Variants in EDC4 observed in about 807,000 individuals in gnomAD.
The protein encoded by EDC4 is enhancer of mRNA-decapping protein 4.
Under a neutral mutation model 155.8 loss-of-function variants are expected in EDC4, and 64 were observed. The observed-to-expected ratio is 0.41, with a 90% CI of 0.34 to 0.51. The LOEUF (loss-of-function observed/expected upper bound fraction) is 0.51. Among genes scored for constraint, EDC4 ranks in the 20% least tolerant of loss-of-function variants. EDC4 has a pLI of 0.19. For missense variants in EDC4, 1,303 were observed against 1,812.5 expected, an observed-to-expected ratio of 0.72 and a Z score of 5.10; for synonymous variants, 684 against 716.8, an observed-to-expected ratio of 0.95 and a Z score of 0.73.
At position 67,877,006 on chromosome 16, in the gene EDC4, T is replaced by G; in HGVS notation, c.451+34T>G. 1 of 1,610,636 alleles carries G rather than the reference T, an allele frequency of 6.2e-7. No homozygotes were observed. On this transcript the variant is annotated intron_variant, in intron 4 of 28. Coordinates refer to ENST00000358933, the MANE Select transcript of EDC4 (RefSeq NM_014329.5). This position sits in a 1 kb window ranked among gnomAD's most constrained non-coding sequence, Gnocchi z 4.9. ...AGACAGTGAGGAGGAAGGAATGTTC[T>G]GCTGGATGTCCCACAGAGCCAGTTC...
chr16:67,877,798 G>A lies in EDC4; in HGVS notation c.847G>A (p.Val283Ile), dbSNP rs757911873. Reference protein sequence around the residue: ...RSSHSTWPVDVSQIKQGFIVV... With the variant: ...RSSHSTWPVDISQIKQGFIVV... ...CAGCCACAGTACCTGGCCTGTGGAT[G>A]TTAGCCAGATCAAGCAGGGCTTCAT... Residue 283 changes from valine (V) to isoleucine (I), a missense_variant, in exon 7 of 29, where the codon GTT becomes ATT. By Grantham distance (29) the Val-to-Ile change is conservative (BLOSUM62 3). This residue lies in a region of EDC4 where 235 missense variants were observed against 367.7 expected (regional missense o/e 0.64). Transcript: ENST00000358933. The surrounding 1 kb of genome is among the most constrained non-coding windows in gnomAD (Gnocchi z 4.9). The A allele has an allele frequency of 2.4e-5, 39 of 1,614,196 alleles. No individual in the cohort carries two copies. The highest frequency in any genetic ancestry group is 5.0e-5 in the Admixed American group (3 of 60,032).
rs182290690 is a variant in EDC4, at chr16:67,876,633, A to G, written c.351+34A>G. 6.2e-7 allele frequency: 1 copy of G among 1,610,476 alleles called. No individual in the cohort carries two copies. The highest frequency in any genetic ancestry group is 2.2e-5 in the East Asian group (1 of 44,836). The stretch of plus-strand genomic sequence containing the variant: ...TGGGATGCTGTGGCATATATAATGT[A>G]CGGGGGCACACCCAGCCTTTCCAGT... On this transcript the variant is annotated intron_variant, in intron 3 of 28. Transcript: ENST00000358933. This position sits in a 1 kb window ranked among gnomAD's most constrained non-coding sequence, Gnocchi z 5.8.
chr16:67,880,554 C>T lies in EDC4; in HGVS notation c.2098-3C>T, dbSNP rs781388190. The T allele has an allele frequency of 2.5e-6, 4 of 1,612,418 alleles. No individual in the cohort carries two copies. Among genetic ancestry groups the T allele is most frequent in the Non-Finnish European group, 2.5e-6 (3 of 1,178,808 alleles). On this transcript the variant is annotated splice_region_variant and splice_polypyrimidine_tract_variant and intron_variant, in intron 17 of 28. Coordinates refer to ENST00000358933, the MANE Select transcript of EDC4 (RefSeq NM_014329.5). This position sits in a 1 kb window ranked among gnomAD's most constrained non-coding sequence, Gnocchi z 5.2. ...TTAAGCCCCCATCTTTGGCCCACCT[C>T]AGGTGCCTACTGCCACCTCTGCACT...
chr16:67,884,072 C>G lies in EDC4; in HGVS notation c.4130C>G (p.Pro1377Arg). ...CTTTTTCAGTTCCTGCAGGCTGAGC[C>G]ACACAACTCACTTGGCAAAGCAGCT... ...QKLFQFLQAEPHNSLGKAARR... is the reference protein window; with the variant it reads ...QKLFQFLQAERHNSLGKAARR... The change falls in exon 29 of 29, where the codon CCA (proline) becomes CGA (arginine). Residue 1377 changes from proline to arginine, a missense_variant. This residue lies in a region of EDC4 where 527 missense variants were observed against 757.0 expected (regional missense o/e 0.70). Transcript: ENST00000358933. This position sits in a 1 kb window ranked among gnomAD's most constrained non-coding sequence, Gnocchi z 4.1. 2.5e-6 allele frequency: 4 copies of G among 1,614,172 alleles called. No individual in the cohort carries two copies. The highest frequency in any genetic ancestry group is 3.4e-6 in the Non-Finnish European group (4 of 1,180,022).
rs746233937 is a variant in EDC4, at chr16:67,881,073, C to T, written c.2532-3C>T. Reference sequence around the variant, plus strand: ...CCATGGCTAAGTTGGCCTGTCCTCCCAGCCCCAGGAATGGCCTTCAGGAAA... The same window carrying T: ...CCATGGCTAAGTTGGCCTGTCCTCCTAGCCCCAGGAATGGCCTTCAGGAAA... On this transcript the variant is annotated splice_region_variant and splice_polypyrimidine_tract_variant and intron_variant, in intron 18 of 28. Transcript: ENST00000358933. The surrounding 1 kb of genome is among the most constrained non-coding windows in gnomAD (Gnocchi z 5.4). 1.2e-6 allele frequency: 2 copies of T among 1,614,102 alleles called. No individual in the cohort carries two copies. The highest frequency in any genetic ancestry group is 1.7e-6 in the Non-Finnish European group (2 of 1,180,030).
Position 67,878,674 on chromosome 16 carries a change from A to G in EDC4, c.1184+43A>G, listed in dbSNP as rs2058051961. 1 of 1,614,112 alleles carries G rather than the reference A, an allele frequency of 6.2e-7. No homozygotes were observed. The highest frequency in any genetic ancestry group is 8.5e-7 in the Non-Finnish European group (1 of 1,180,002). ...GGCTGGGGGACTGGGCAGGGGCGGCAGGGTTGGGAATGTAGCTTCCTTCAG... is the reference window on the plus strand; with the variant it reads ...GGCTGGGGGACTGGGCAGGGGCGGCGGGGTTGGGAATGTAGCTTCCTTCAG... On this transcript the variant is annotated intron_variant, in intron 10 of 28. Transcript: ENST00000358933. This position sits in a 1 kb window ranked among gnomAD's most constrained non-coding sequence, Gnocchi z 5.2.
rs2058056200 is a variant in EDC4, at chr16:67,879,619, G to C, written c.1666G>C (p.Glu556Gln). 10 of 1,614,146 alleles carry C rather than the reference G, an allele frequency of 6.2e-6. No homozygotes were observed. Among genetic ancestry groups the C allele is most frequent in the Non-Finnish European group, 8.5e-6 (10 of 1,180,032 alleles). The change falls in exon 15 of 29, where the codon GAG becomes CAG. Residue 556 changes from glutamate (E) to glutamine (Q), a missense_variant. Physicochemically the swap from Glu to Gln is conservative, Grantham distance 29 (BLOSUM62 2). Coordinates refer to ENST00000358933, the MANE Select transcript of EDC4 (RefSeq NM_014329.5). The surrounding 1 kb of genome is among the most constrained non-coding windows in gnomAD (Gnocchi z 6.0). ...FGESRPELGS[E>Q]GLGSAAHGSQ... is the part of the protein sequence containing the mutation. Reference sequence around the variant, plus strand: ...AGAGTCTCGGCCCGAACTGGGCTCTGAGGGCCTGGGGTCAGCCGCTCACGG... The same window carrying C: ...AGAGTCTCGGCCCGAACTGGGCTCTCAGGGCCTGGGGTCAGCCGCTCACGG...
Position 67,878,499 on chromosome 16 carries a change from G to T in EDC4, c.1089-37G>T. 6.2e-7 allele frequency: 1 copy of T among 1,613,468 alleles called. No homozygotes were observed. Among genetic ancestry groups the T allele is most frequent in the Non-Finnish European group, 8.5e-7 (1 of 1,179,950 alleles). On this transcript the variant is annotated intron_variant, in intron 9 of 28. Transcript: ENST00000358933. This position sits in a 1 kb window ranked among gnomAD's most constrained non-coding sequence, Gnocchi z 5.2. Reference sequence around the variant, plus strand: ...GGCTGGACCATGGCTCCCAGCAGGGGCCCCAGCCAGTCACTCACTGCCTTG... The same window carrying T: ...GGCTGGACCATGGCTCCCAGCAGGGTCCCCAGCCAGTCACTCACTGCCTTG...
intron 1 of EDC4, 170 bp downstream of exon 1, chr16:67,873,513 T>C: frequency 2.0e-6 from 1 of 500,098 alleles, no homozygotes; most frequent in South Asian, 3.3e-5. Context: ...CCCCTGGGTG[T>C]GACCCCTCCC....
At position 67,883,291 on chromosome 16, in the gene EDC4, T is replaced by G. The variant is rs2058078602; in HGVS notation, c.3849+114T>G. 2 of 1,440,314 alleles carry G rather than the reference T, an allele frequency of 1.4e-6. No homozygotes were observed. The highest frequency in any genetic ancestry group is 1.8e-6 in the Non-Finnish European group (2 of 1,089,726). The allele number at this position is 1,440,314 out of a possible 1,614,324, so 89.2% of individuals were successfully genotyped here. A position where few individuals can be genotyped will look rare whatever the true frequency, so the allele number is the denominator to read the frequency against. ...ACCTTCTGGCCCCAGCAGACTGTTC[T>G]TGGTTCCCTTTGGCCTCCAGGCCAT... is the stretch of plus-strand genomic sequence containing the variant. On this transcript the variant is annotated intron_variant, in intron 27 of 28. Transcript: ENST00000358933. This position sits in a 1 kb window ranked among gnomAD's most constrained non-coding sequence, Gnocchi z 5.3.
chr16:67,883,683 T>C lies in EDC4; in HGVS notation c.3965T>C (p.Ile1322Thr). The stretch of plus-strand genomic sequence containing the variant: ...TCCCAGCCTGTGCTCCTTTCCCTCA[T>C]CCAGCAGCTGGCATCTGACCTTGGC... Reference protein sequence around the residue: ...PLSQPVLLSLIQQLASDLGTR... With the variant: ...PLSQPVLLSLTQQLASDLGTR... Residue 1322 changes from isoleucine to threonine, a missense_variant, in exon 28 of 29, where the codon ATC becomes ACC. Ile to Thr is a moderately conservative substitution (Grantham distance 89). This residue lies in a region of EDC4 where 527 missense variants were observed against 757.0 expected (regional missense o/e 0.70). Transcript: ENST00000358933. The surrounding 1 kb of genome is among the most constrained non-coding windows in gnomAD (Gnocchi z 5.3). The C allele has an allele frequency of 6.8e-6, 11 of 1,614,122 alleles. No homozygotes were observed. The highest frequency in any genetic ancestry group is 9.3e-6 in the Non-Finnish European group (11 of 1,180,020).
chr16:67,882,163 T>G lies in EDC4; in HGVS notation c.3161-49T>G. On this transcript the variant is annotated intron_variant, in intron 23 of 28. Coordinates refer to ENST00000358933, the MANE Select transcript of EDC4 (RefSeq NM_014329.5). This position sits in a 1 kb window ranked among gnomAD's most constrained non-coding sequence, Gnocchi z 7.2. ...GTGGTTCAGGTGGGAGTGGGGTACCTGTCAAGCTTCTTCTCATGGCTCCAC... is the reference window on the plus strand; with the variant it reads ...GTGGTTCAGGTGGGAGTGGGGTACCGGTCAAGCTTCTTCTCATGGCTCCAC... The G allele has an allele frequency of 6.2e-7, 1 of 1,613,066 alleles. No homozygotes were observed. The highest frequency in any genetic ancestry group is 8.5e-7 in the Non-Finnish European group (1 of 1,179,636).
In EDC4 at chr16:67,882,628, G is replaced by T; in HGVS notation, c.3442+34G>T. ...GGTCATATGGCCCAAGGTGGGAGGGGTTATCCTCTTTCCTACTGTTCCTCT... is the reference window on the plus strand; with the variant it reads ...GGTCATATGGCCCAAGGTGGGAGGGTTTATCCTCTTTCCTACTGTTCCTCT... On this transcript the variant is annotated intron_variant, in intron 25 of 28. Coordinates refer to ENST00000358933, the MANE Select transcript of EDC4 (RefSeq NM_014329.5). The surrounding 1 kb of genome is among the most constrained non-coding windows in gnomAD (Gnocchi z 7.2). The T allele has an allele frequency of 6.2e-7, 1 of 1,614,206 alleles. No individual in the cohort carries two copies. Among genetic ancestry groups the T allele is most frequent in the Non-Finnish European group, 8.5e-7 (1 of 1,180,036 alleles).
Position 67,883,450 on chromosome 16 carries a change from C to T in EDC4, c.3850-118C>T. On this transcript the variant is annotated intron_variant, in intron 27 of 28. Transcript: ENST00000358933. The surrounding 1 kb of genome is among the most constrained non-coding windows in gnomAD (Gnocchi z 5.3). ...CAGCCCTACAGGCTCTCTCTGAGTC[C>T]CTCTGGAGCTCTCACTAGCCCACCC... 1 of 1,472,448 alleles carries T rather than the reference C, an allele frequency of 6.8e-7. No individual in the cohort carries two copies. The highest frequency in any genetic ancestry group is 9.2e-7 in the Non-Finnish European group (1 of 1,082,344). 91.2% of individuals were successfully genotyped at this position (1,472,448 alleles called of 1,614,324 possible).
At chr16:67,875,399 C>G (rs2058037263) in intron 1 of EDC4, among the ~76,000 whole-genome samples, 1 of 152,182 alleles carries the variant, frequency 6.6e-6, no homozygotes, top group Admixed American at 6.5e-5. Flanking sequence ...AGGCCTTGAT[C>G]TCTCTCACCC....
chr16:67,879,123 A>G lies in EDC4; in HGVS notation c.1454A>G (p.Asp485Gly), dbSNP rs769930295. The G allele has an allele frequency of 6.2e-7, 1 of 1,613,850 alleles. No individual in the cohort carries two copies. Among genetic ancestry groups the G allele is most frequent in the South Asian group, 1.1e-5 (1 of 91,090 alleles). Residue 485 changes from aspartate to glycine, a missense_variant, in exon 12 of 29, where the codon GAC becomes GGC. Asp to Gly is a moderately conservative substitution (Grantham distance 94). This residue lies in a region of EDC4 where 391 missense variants were observed against 445.4 expected (regional missense o/e 0.88). Transcript: ENST00000358933. The surrounding 1 kb of genome is among the most constrained non-coding windows in gnomAD (Gnocchi z 6.0). ...GTGCTGCCTGCCGAAGAGGAAAATG[A>G]CAGCCTGGGTGCTGGTGAGCTGCCT... ...TEVLPAEEEN[D>G]SLGADGTHGA...
chr16:67,873,168 C>G lies in EDC4; in HGVS notation c.-94C>G. ...GTGGACTGTGTAGTGACCGGCGTCCCGCTGTCTCGCCCCGTGGCGGGTGAG... is the reference window on the plus strand; with the variant it reads ...GTGGACTGTGTAGTGACCGGCGTCCGGCTGTCTCGCCCCGTGGCGGGTGAG... On this transcript the variant is annotated 5_prime_UTR_variant, in exon 1 of 29. Transcript: ENST00000358933. The G allele has an allele frequency of 1.0e-6, 1 of 995,428 alleles. No individual in the cohort carries two copies. The highest frequency in any genetic ancestry group is 1.4e-6 in the Non-Finnish European group (1 of 737,074). The allele number at this position is 995,428 out of a possible 1,614,324, so 61.7% of individuals were successfully genotyped here. A position where few individuals can be genotyped will look rare whatever the true frequency, so the allele number is the denominator to read the frequency against.
chr16:67,881,758 C>T lies in EDC4; in HGVS notation c.2917C>T (p.Gln973Ter). ...ELRHSQEELL[Q>*]RLCTQLEGLQ... ...GCGGCACAGCCAGGAAGAGCTGCTGCAGCGTCTGTGTACCCAACTCGAAGG... is the reference window on the plus strand; with the variant it reads ...GCGGCACAGCCAGGAAGAGCTGCTGTAGCGTCTGTGTACCCAACTCGAAGG... Residue 973 changes from glutamine to a stop codon, truncating the protein, a stop_gained, in exon 22 of 29, where the codon CAG (glutamine) becomes TAG (stop). Coordinates refer to ENST00000358933, the MANE Select transcript of EDC4 (RefSeq NM_014329.5). LOFTEE classifies it high-confidence loss of function. This position sits in a 1 kb window ranked among gnomAD's most constrained non-coding sequence, Gnocchi z 5.4. 1 of 1,614,142 alleles carries T rather than the reference C, an allele frequency of 6.2e-7. No homozygotes were observed.
Position 67,873,245 on chromosome 16 carries a change from C to T in EDC4, c.-17C>T, listed in dbSNP as rs2058027113. On this transcript the variant is annotated 5_prime_UTR_variant, in exon 1 of 29. Transcript: ENST00000358933. ...CGGAACGAACGCGGTGCGGGCGGGG[C>T]GCCCGCCGCAGGGCCCATGGCCTCC... The T allele has an allele frequency of 2.2e-6, 3 of 1,387,190 alleles. No individual in the cohort carries two copies. Among genetic ancestry groups the T allele is most frequent in the South Asian group, 1.6e-5 (1 of 63,274 alleles). 85.9% of individuals were successfully genotyped at this position (1,387,190 alleles called of 1,614,324 possible).
Sources: allele counts gnomAD v4.1 joint callset (sites outside exome capture counted in the v4.1 genomes callset), GRCh38; gene constraint gnomAD v4.1.1; regional missense constraint gnomAD v4.1.1; non-coding constraint Gnocchi (gnomAD v3.1); transcripts MANE v1.5; gene names NCBI Gene and HGNC (gene_info 2026-07-23, HGNC 2026-07-21).